The following FHOD3 variants were observed in gnomAD, a reference collection of about 807,000 sequenced individuals.
FHOD3 encodes the protein formin homology 2 domain containing 3, also known as FH1/FH2 domain-containing protein 3.
A neutral mutation model predicts 173.0 loss-of-function variants in FHOD3; 90 were observed. The ratio of observed to expected loss-of-function variants is 0.52; its 90% CI spans 0.44 to 0.62. The LOEUF (loss-of-function observed/expected upper bound fraction) is 0.62. Among genes scored for constraint, FHOD3 ranks in the 20% least tolerant of loss-of-function variants. The pLI is 0.00. For missense variants in FHOD3, 1,945 were observed against 2,034.7 expected (o/e 0.96, Z 0.85); for synonymous variants, 828 against 823.0 (o/e 1.01, Z -0.10).
chr18:36,380,437 C>T, intron 3 of FHOD3, among the ~76,000 whole-genome samples: 1 of 147,688 alleles, frequency 6.8e-6, no homozygotes, highest in East Asian at 2.0e-4. Context: ...ATCTCCCTTC[C>T]TCCCTCCCTC....
At chr18:36,747,351 T>G (rs758389325) in intron 24 of FHOD3, among the ~76,000 whole-genome samples, 1 of 152,180 alleles carries the variant, frequency 6.6e-6, no homozygotes, top group Non-Finnish European at 1.5e-5. Flanking sequence ...TTGGAAGGAA[T>G]CTCAGAAATA....
chr18:36,629,430 C>T (rs114210350), intron 10 of FHOD3, among the ~76,000 whole-genome samples: 1 of 152,098 alleles, frequency 6.6e-6, no homozygotes, highest in African/African-American at 2.4e-5. Context: ...AGCTCACAGG[C>T]CGTATAAAAA....
intron 9 of FHOD3, among the ~76,000 whole-genome samples, chr18:36,624,243 A>G (rs2033923293): frequency 6.6e-6 from 1 of 152,206 alleles, no homozygotes. Flanking sequence ...GATGCTTTAC[A>G]CAAGTTACCT....
intron 25 of FHOD3, among the ~76,000 whole-genome samples, chr18:36,757,607 A>G (rs996885403): frequency 1.3e-5 from 2 of 152,224 alleles, no homozygotes; most frequent in Admixed American, 1.3e-4. Context: ...TTGAATGTAC[A>G]TGCTGAATAA....
At chr18:36,640,169 C>CT (rs2035203285) in intron 10 of FHOD3, among the ~76,000 whole-genome samples, 1 of 152,312 alleles carries the variant, frequency 6.6e-6, no homozygotes, top group African/African-American at 2.4e-5. Flanking sequence ...ACTTTGCATG[C>CT]TACAGGGACA....
At chr18:36,554,231 C>A (rs966698808) in intron 5 of FHOD3, among the ~76,000 whole-genome samples, 21 of 152,170 alleles carry the variant, frequency 1.4e-4, no homozygotes, top group African/African-American at 4.8e-4. Context: ...AGACTTGGAA[C>A]CAACCCAAAT....
At chr18:36,348,656 C>G (rs2045978918) in intron 1 of FHOD3, among the ~76,000 whole-genome samples, 1 of 152,162 alleles carries the variant, frequency 6.6e-6, no homozygotes, top group South Asian at 2.1e-4. Context: ...TGACTGCTCC[C>G]TCACTCCCCG....
intron 19 of FHOD3, among the ~76,000 whole-genome samples, chr18:36,720,058 A>G (rs1164938182): frequency 6.6e-6 from 1 of 152,092 alleles, no homozygotes; most frequent in African/African-American, 2.4e-5. Context: ...GATCCAGTGT[A>G]AAAAATCATG....
At chr18:36,512,371 C>T in intron 4 of FHOD3, 67 bp from the exon 5 acceptor site, 1 of 1,191,962 alleles carries the variant, frequency 8.4e-7, no homozygotes, top group Non-Finnish European at 1.2e-6. Context: ...ATAGTTTTAG[C>T]AGCACAGCTG....
intron 9 of FHOD3, among the ~76,000 whole-genome samples, chr18:36,617,937 T>G (rs1254334521): frequency 1.3e-5 from 2 of 152,166 alleles, no homozygotes; most frequent in African/African-American, 2.4e-5. Flanking sequence ...TCATCTGTAT[T>G]TTAAAATTCC....
chr18:36,740,585 T>C (rs2041855189), intron 20 of FHOD3, 71 bp from the exon 21 acceptor site: 2 of 1,350,440 alleles, frequency 1.5e-6, no homozygotes, highest in Non-Finnish European at 2.0e-6. Context: ...AATATGAATT[T>C]TATAACATTG....
intron 5 of FHOD3, among the ~76,000 whole-genome samples, chr18:36,569,062 T>A (rs193245209): frequency 1.3e-3 from 197 of 152,172 alleles, no homozygotes; most frequent in Non-Finnish European, 2.4e-3. Context: ...AAAGATACAA[T>A]AACCAAAGTA....
intron 11 of FHOD3, among the ~76,000 whole-genome samples, chr18:36,650,431 G>A (rs981390870): frequency 6.6e-6 from 1 of 152,158 alleles, no homozygotes; most frequent in African/African-American, 2.4e-5. Context: ...ATGATTGCTT[G>A]CCCCTATTTG....
chr18:36,388,052 C>A (rs940857957), intron 3 of FHOD3, among the ~76,000 whole-genome samples: 21 of 152,118 alleles, frequency 1.4e-4, no homozygotes, highest in Non-Finnish European at 2.6e-4. Flanking sequence ...GGAGAACTCT[C>A]TATATAAACT....
At chr18:36,313,887 C>CT (rs112546518) in intron 1 of FHOD3, among the ~76,000 whole-genome samples, 2,277 of 143,782 alleles carry the variant, frequency 0.016, 24 homozygotes, top group Middle Eastern at 0.036. Flanking sequence ...AATAATTTGT[C>CT]TTTTTTTTTT....
At chr18:36,755,732 A>G (rs1019283034) in intron 25 of FHOD3, among the ~76,000 whole-genome samples, 3 of 152,212 alleles carry the variant, frequency 2.0e-5, no homozygotes, top group African/African-American at 7.2e-5. Flanking sequence ...AATCATCATA[A>G]CGGTGCTGTG....
intron 1 of FHOD3, among the ~76,000 whole-genome samples, chr18:36,322,850 A>G (rs2044470097): frequency 6.6e-6 from 1 of 152,076 alleles, no homozygotes; most frequent in African/African-American, 2.4e-5. Flanking sequence ...ATCTGGCATT[A>G]ATTCACTCAC....
intron 16 of FHOD3, chr18:36,692,848 G>A (rs2039044567): frequency 4.0e-6 from 1 of 247,366 alleles, no homozygotes; most frequent in Admixed American, 5.0e-5. Context: ...TGAGCTCCGA[G>A]GGGGTTTGGT....
chr18:36,409,276 T>C (rs1335945834), intron 3 of FHOD3, among the ~76,000 whole-genome samples: 2 of 152,184 alleles, frequency 1.3e-5, no homozygotes, highest in Non-Finnish European at 2.9e-5. Context: ...AGGCGTGATA[T>C]CCATGTAGAG....
Sources: gnomAD v4.1 joint callset for allele counts (sites outside exome capture counted in the v4.1 genomes callset) on GRCh38, gnomAD v4.1.1 for gene constraint, MANE v1.5 for transcripts, NCBI Gene and HGNC (gene_info 2026-07-23, HGNC 2026-07-21) for gene names.